Variants in GLI2 observed in about 807,000 individuals in gnomAD.
The protein encoded by GLI2 is transcription activator GLI2.
In GLI2, 22 loss-of-function variants were observed where a neutral mutation model predicts 78.9. That is an observed-to-expected ratio of 0.28 (90% CI 0.20 to 0.40). GLI2 has a LOEUF of 0.40. Among genes scored for constraint, GLI2 ranks in the 10% least tolerant of loss-of-function variants. The pLI, the probability that GLI2 is intolerant of heterozygous loss-of-function variation, is 1.00. For missense variants in GLI2, 2,097 were observed against 2,213.2 expected, an observed-to-expected ratio of 0.95 and a Z score of 1.05; for synonymous variants, 974 against 963.7, an observed-to-expected ratio of 1.01 and a Z score of -0.20.
intron 1 of GLI2, among the ~76,000 whole-genome samples, chr2:120,788,332 A>G (rs1008070103): frequency 1.3e-5 from 2 of 152,190 alleles, no homozygotes; most frequent in Non-Finnish European, 2.9e-5. Flanking sequence ...AGGGTGTGAG[A>G]GCAAGCTTTC....
At position 120,990,812 on chromosome 2, in the gene GLI2, G is replaced by A; in HGVS notation, c.*137G>A. Reference sequence around the variant, plus strand: ...TTGTTGCGCAATGGCCGCTTCAGATGACAGATGTTGTAAGAGAAGGTTTAT... The same window carrying A: ...TTGTTGCGCAATGGCCGCTTCAGATAACAGATGTTGTAAGAGAAGGTTTAT... On this transcript the variant is annotated 3_prime_UTR_variant, in exon 14 of 14. Coordinates refer to ENST00000361492, the MANE Select transcript of GLI2 (RefSeq NM_001374353.1). 1.5e-6 allele frequency: 1 copy of A among 649,032 alleles called. No individual in the cohort carries two copies. Among genetic ancestry groups the A allele is most frequent in the South Asian group, 1.9e-5 (1 of 52,162 alleles). 40.2% of individuals were successfully genotyped at this position (649,032 alleles called of 1,614,324 possible).
chr2:120,910,947 G>A (rs1363280333), intron 2 of GLI2, among the ~76,000 whole-genome samples: 1 of 152,210 alleles, frequency 6.6e-6, no homozygotes, highest in African/African-American at 2.4e-5. Context: ...GAGTTTGTTG[G>A]TGCTCCACCT....
intron 5 of GLI2, among the ~76,000 whole-genome samples, chr2:120,955,763 C>T (rs920180537): frequency 7.3e-5 from 11 of 151,120 alleles, no homozygotes; most frequent in East Asian, 2.0e-4. Flanking sequence ...AAAGCAGGGG[C>T]GGGGGGAGCG....
chr2:120,889,408 T>C (rs1044107844), intron 2 of GLI2, among the ~76,000 whole-genome samples: 5 of 152,176 alleles, frequency 3.3e-5, no homozygotes, highest in African/African-American at 7.2e-5. Flanking sequence ...AATCACAGCC[T>C]TCAGGATTTC....
chr2:120,978,402 C>G (rs1348590613), intron 9 of GLI2, 32 bp from the exon 10 acceptor site: 1 of 1,613,826 alleles, frequency 6.2e-7, no homozygotes, highest in Non-Finnish European at 8.5e-7. Flanking sequence ...TCTGGCCCTG[C>G]TTACCCTCTT....
chr2:120,804,043 C>T (rs1684825636), intron 2 of GLI2, among the ~76,000 whole-genome samples: 1 of 152,166 alleles, frequency 6.6e-6, no homozygotes. Flanking sequence ...GCCCTCCTAT[C>T]TTCTTCATTG....
chr2:120,837,221 T>C (rs1299987109), intron 2 of GLI2, among the ~76,000 whole-genome samples: 1 of 151,944 alleles, frequency 6.6e-6, no homozygotes, highest in Non-Finnish European at 1.5e-5. Flanking sequence ...GGTGAAACCC[T>C]GTCTCTACTA....
At chr2:120,950,869 T>C (rs1680947746) in intron 3 of GLI2, among the ~76,000 whole-genome samples, 1 of 152,198 alleles carries the variant, frequency 6.6e-6, no homozygotes, top group South Asian at 2.1e-4. Flanking sequence ...TACATGTTTC[T>C]AGCATGCAAG....
At chr2:120,875,486 G>A (rs1404248395) in intron 2 of GLI2, among the ~76,000 whole-genome samples, 5 of 152,194 alleles carry the variant, frequency 3.3e-5, no homozygotes, top group African/African-American at 4.8e-5. Context: ...AGAAGAGGAC[G>A]GTCTTGGAAG....
At chr2:120,739,536 C>G (rs1319387692) in intron 1 of GLI2, among the ~76,000 whole-genome samples, 2 of 152,164 alleles carry the variant, frequency 1.3e-5, no homozygotes, top group African/African-American at 2.4e-5. Context: ...GGAGGTGGAG[C>G]AAACCAGCCT....
At chr2:120,765,391 C>T (rs891301995) in intron 1 of GLI2, among the ~76,000 whole-genome samples, 4 of 152,232 alleles carry the variant, frequency 2.6e-5, no homozygotes, top group Admixed American at 1.3e-4. Flanking sequence ...AGGCCAAGCC[C>T]GGAGGTATGA....
chr2:120,746,352 C>T (rs910432128), intron 1 of GLI2, among the ~76,000 whole-genome samples: 1 of 152,140 alleles, frequency 6.6e-6, no homozygotes, highest in African/African-American at 2.4e-5. Context: ...GTAAGGCAGC[C>T]TTGTGGAGCA....
In GLI2 at chr2:120,971,925, C is replaced by CT; in HGVS notation, c.1060-15dup. The CT allele has an allele frequency of 6.2e-7, 1 of 1,613,378 alleles. No individual in the cohort carries two copies. The highest frequency in any genetic ancestry group is 8.5e-7 in the Non-Finnish European group (1 of 1,179,592). ...CTGCCCCTGAGTAACAGACTGTCCT[C>CT]TGCACCCTTCCTCAGAACAAGCAGA... is the stretch of plus-strand genomic sequence containing the variant. On this transcript the variant is annotated splice_polypyrimidine_tract_variant and intron_variant, in intron 7 of 13. Transcript: ENST00000361492.
intron 10 of GLI2, among the ~76,000 whole-genome samples, chr2:120,980,616 A>G (rs2105057897): frequency 6.6e-6 from 1 of 152,318 alleles, no homozygotes. Context: ...CTTTTAGAGC[A>G]CAAAGTTCTT....
At position 120,830,414 on chromosome 2, in the gene GLI2, C is replaced by A. The variant is rs201838337; in HGVS notation, c.148+32946C>A. Among the ~76,000 whole-genome samples the A allele has an allele frequency of 3.9e-5, 6 of 152,314 alleles. No homozygotes were observed. In the East Asian group the frequency reaches 1.2e-3, roughly 29 times the overall value. On this transcript the variant is annotated intron_variant, in intron 2 of 13. Transcript: ENST00000361492. ...GAGGAGGTTGGCCCTGCTGGGGCAG[C>A]ATGCTTGCCAAGCCTGTGTGTGTGT... is the stretch of plus-strand genomic sequence containing the variant.
chr2:120,907,934 G>A (rs1041860936), intron 2 of GLI2, among the ~76,000 whole-genome samples: 9 of 152,330 alleles, frequency 5.9e-5, no homozygotes, highest in African/African-American at 1.9e-4. Context: ...TATCAGGAAC[G>A]ATGCAGCTGT....
chr2:120,840,758 T>C (rs946324259), intron 2 of GLI2, among the ~76,000 whole-genome samples: 1 of 152,168 alleles, frequency 6.6e-6, no homozygotes. Flanking sequence ...TTGAAGGGTA[T>C]CCAGCCTGTT....
Position 120,990,702 on chromosome 2 carries a change from A to G in GLI2, c.*27A>G. The stretch of plus-strand genomic sequence containing the variant: ...GGCCCGAGCGCCTGGTGCTGAGTGC[A>G]CCCGGAGGGGTCATCGCTGCCCAGA... On this transcript the variant is annotated 3_prime_UTR_variant, in exon 14 of 14. Transcript: ENST00000361492. 6.3e-7 allele frequency: 1 copy of G among 1,594,474 alleles called. No homozygotes were observed. The highest frequency in any genetic ancestry group is 8.6e-7 in the Non-Finnish European group (1 of 1,167,504).
chr2:120,955,915 C>T (rs1681239206), intron 5 of GLI2, among the ~76,000 whole-genome samples: 1 of 150,552 alleles, frequency 6.6e-6, no homozygotes, highest in African/African-American at 2.5e-5. Context: ...CTGCCAAGCT[C>T]AAGAAATAGC....
Sources: gnomAD v4.1 joint callset for allele counts (sites outside exome capture counted in the v4.1 genomes callset) on GRCh38, gnomAD v4.1.1 for gene constraint, MANE v1.5 for transcripts, NCBI Gene and HGNC (gene_info 2026-07-23, HGNC 2026-07-21) for gene names.